The following VPS13B variants were observed in gnomAD, a reference collection of about 807,000 sequenced individuals.
VPS13B encodes the protein intermembrane lipid transfer protein VPS13B.
A neutral mutation model predicts 426.4 loss-of-function variants in VPS13B; 285 were observed. The ratio of observed to expected loss-of-function variants is 0.67; its 90% CI spans 0.61 to 0.74. The LOEUF (loss-of-function observed/expected upper bound fraction) is 0.74. Among genes scored for constraint, VPS13B ranks in the 30% least tolerant of loss-of-function variants. The pLI is 0.00. For synonymous variants in VPS13B, 1,676 were observed against 1,676.4 expected (o/e 1.00, Z 0.01); for missense variants, 4,537 against 4,782.6 (o/e 0.95, Z 1.51).
At chr8:99,830,461 G>T (rs1487801196) in intron 51 of VPS13B, among the ~76,000 whole-genome samples, 1 of 152,130 alleles carries the variant, frequency 6.6e-6, no homozygotes, top group East Asian at 1.9e-4. Context: ...CACCAAGCTG[G>T]AGCATCCCAA....
At chr8:99,218,279 A>C (rs190693061) in intron 17 of VPS13B, among the ~76,000 whole-genome samples, 1 of 152,340 alleles carries the variant, frequency 6.6e-6, no homozygotes, top group Admixed American at 6.5e-5. Context: ...TAGCACACAA[A>C]GTCTAAAATA....
chr8:99,387,122 C>T (rs1481055383), intron 20 of VPS13B, among the ~76,000 whole-genome samples: 3 of 152,122 alleles, frequency 2.0e-5, no homozygotes, highest in African/African-American at 7.2e-5. Context: ...ATTAGTAGCA[C>T]TAGGCAAGTA....
chr8:99,833,547 G>A (rs762079982), intron 52 of VPS13B, among the ~76,000 whole-genome samples: 1 of 151,896 alleles, frequency 6.6e-6, no homozygotes, highest in African/African-American at 2.4e-5. Flanking sequence ...TCCCTCCTTC[G>A]TTCACAGTAT....
intron 17 of VPS13B, among the ~76,000 whole-genome samples, chr8:99,267,457 C>T (rs138232432): frequency 2.4e-4 from 36 of 152,180 alleles, no homozygotes; most frequent in African/African-American, 6.7e-4. Flanking sequence ...CGGCTGGACA[C>T]GATGGCTCAT....
At chr8:99,549,342 C>T (rs371603808) in intron 30 of VPS13B, among the ~76,000 whole-genome samples, 73 of 152,170 alleles carry the variant, frequency 4.8e-4, no homozygotes, top group African/African-American at 1.6e-3. Context: ...AATCCTAGTA[C>T]GTGCTTTATC....
intron 42 of VPS13B, among the ~76,000 whole-genome samples, chr8:99,781,501 A>G (rs1035312345): frequency 1.3e-5 from 2 of 152,164 alleles, no homozygotes; most frequent in African/African-American, 4.8e-5. Context: ...ATACATGTGA[A>G]CTTTTTAATA....
chr8:99,102,916 T>C (rs1467857564), intron 4 of VPS13B, 37 bp from the exon 5 acceptor site: 4 of 1,516,768 alleles, frequency 2.6e-6, no homozygotes, highest in Admixed American at 3.3e-5. Flanking sequence ...TACTGAGAGA[T>C]TTGTGGCTAA....
chr8:99,338,867 CTCTA>C (rs1317478874), intron 19 of VPS13B, among the ~76,000 whole-genome samples: 3 of 152,162 alleles, frequency 2.0e-5, no homozygotes, highest in African/African-American at 4.8e-5. Flanking sequence ...TATTCTCCCA[CTCTA>C]TCTGTGGTAG....
chr8:99,066,784 A>G (rs978049953), intron 3 of VPS13B, among the ~76,000 whole-genome samples: 2 of 152,256 alleles, frequency 1.3e-5, no homozygotes, highest in Non-Finnish European at 2.9e-5. Flanking sequence ...AGAATCTGCA[A>G]AGAACTTAAA....
intron 17 of VPS13B, among the ~76,000 whole-genome samples, chr8:99,208,477 TTCTA>T (rs1247010609): frequency 1.3e-5 from 2 of 152,214 alleles, no homozygotes; most frequent in African/African-American, 4.8e-5. Flanking sequence ...AAGTTTCTGA[TTCTA>T]TCTTTTTATA....
chr8:99,045,890 G>C (rs765374248), intron 3 of VPS13B, among the ~76,000 whole-genome samples: 51 of 152,212 alleles, frequency 3.4e-4, no homozygotes, highest in Non-Finnish European at 1.5e-4. Context: ...TCTCTATTCT[G>C]TTTCATTGGT....
intron 3 of VPS13B, among the ~76,000 whole-genome samples, chr8:99,047,888 A>G (rs1379925404): frequency 1.3e-5 from 2 of 151,838 alleles, no homozygotes. Context: ...TGGTTTCATC[A>G]TTTTTGCCAG....
intron 25 of VPS13B, among the ~76,000 whole-genome samples, chr8:99,496,191 T>A (rs1365605476): frequency 6.6e-6 from 1 of 152,146 alleles, no homozygotes; most frequent in Non-Finnish European, 1.5e-5. Flanking sequence ...AAATAAAACT[T>A]TATATTTTAT....
chr8:99,457,666 C>T (rs997847033), intron 23 of VPS13B, among the ~76,000 whole-genome samples: 31 of 151,522 alleles, frequency 2.0e-4, no homozygotes, highest in East Asian at 5.8e-4. Context: ...CTCATCTTAA[C>T]GCTAAAACTT....
intron 28 of VPS13B, among the ~76,000 whole-genome samples, chr8:99,509,360 T>G (rs3134170): frequency 0.26 from 39,591 of 151,912 alleles, 5,841 homozygotes; most frequent in East Asian, 0.45. Flanking sequence ...AGGCTATTAT[T>G]GGGAAAGATG....
At chr8:99,685,122 T>C (rs1831330459) in intron 35 of VPS13B, among the ~76,000 whole-genome samples, 1 of 152,214 alleles carries the variant, frequency 6.6e-6, no homozygotes, top group Admixed American at 6.5e-5. Flanking sequence ...TTTTAAGATA[T>C]ATTAGATATT....
At chr8:99,269,000 C>G (rs1242685645) in intron 17 of VPS13B, among the ~76,000 whole-genome samples, 1 of 152,046 alleles carries the variant, frequency 6.6e-6, no homozygotes, top group Non-Finnish European at 1.5e-5. Context: ...GGCTTTTCCC[C>G]CTTTGCTTGG....
intron 51 of VPS13B, among the ~76,000 whole-genome samples, chr8:99,830,729 G>A (rs1237785417): frequency 6.6e-6 from 1 of 152,160 alleles, no homozygotes; most frequent in Non-Finnish European, 1.5e-5. Context: ...CTCTTGTGGT[G>A]TAGGCACCAG....
chr8:99,496,977 C>T (rs977767586), intron 25 of VPS13B, among the ~76,000 whole-genome samples: 1 of 149,696 alleles, frequency 6.7e-6, no homozygotes, highest in African/African-American at 2.5e-5. Flanking sequence ...TAACGTCTTC[C>T]TTAATCACAG....
Sources: gnomAD v4.1 joint callset for allele counts (sites outside exome capture counted in the v4.1 genomes callset) on GRCh38, gnomAD v4.1.1 for gene constraint, MANE v1.5 for transcripts, NCBI Gene and HGNC (gene_info 2026-07-23, HGNC 2026-07-21) for gene names.